The following TSPEAR variants were observed in gnomAD, a reference collection of about 807,000 sequenced individuals.
TSPEAR encodes thrombospondin-type laminin G domain and EAR repeat-containing protein.
Under a neutral mutation model 71.6 loss-of-function variants are expected in TSPEAR, and 69 were observed. The observed-to-expected ratio is 0.96, with a 90% CI of 0.79 to 1.18. The LOEUF (loss-of-function observed/expected upper bound fraction) is 1.18, where lower values mean the gene tolerates loss of function less well. Among genes scored for constraint, TSPEAR ranks in the 50% most tolerant of loss-of-function variants. TSPEAR has a pLI of 0.00. For synonymous variants in TSPEAR, 402 were observed against 387.2 expected, an observed-to-expected ratio of 1.04 and a Z score of -0.45; for missense variants, 971 against 894.9, an observed-to-expected ratio of 1.09 and a Z score of -1.09.
At chr21:44,515,849 A>G (rs1313787831) in intron 9 of TSPEAR, 1 of 152,270 alleles carries the variant, frequency 6.6e-6, no homozygotes, top group Non-Finnish European at 1.5e-5. Context: ...TTTCATGAAG[A>G]GCAGGTAGTC....
chr21:44,658,369 T>C, intron 1 of TSPEAR: 1 of 1,206,328 alleles, frequency 8.3e-7, no homozygotes, highest in Non-Finnish European at 1.2e-6. Context: ...ATGAAAAGCA[T>C]GCCCAAGGAA....
chr21:44,654,266 G>A, intron 1 of TSPEAR: 1 of 1,609,780 alleles, frequency 6.2e-7, no homozygotes, highest in Non-Finnish European at 8.5e-7. Context: ...GGTCATAGGA[G>A]GCCACCTGCT....
intron 1 of TSPEAR, among the ~76,000 whole-genome samples, chr21:44,630,128 C>T (rs587688451): frequency 4.6e-5 from 7 of 152,296 alleles, no homozygotes; most frequent in Non-Finnish European, 1.0e-4. Context: ...AGGGGCTTTC[C>T]AGTCACATTC....
intron 1 of TSPEAR, among the ~76,000 whole-genome samples, chr21:44,670,262 G>A (rs879976919): frequency 1.3e-5 from 2 of 152,086 alleles, no homozygotes; most frequent in Non-Finnish European, 2.9e-5. Flanking sequence ...TAGGTGGGGG[G>A]GTTGTTATAA....
intron 1 of TSPEAR, among the ~76,000 whole-genome samples, chr21:44,569,756 CTG>C (rs1337444113): frequency 1.3e-5 from 2 of 152,106 alleles, no homozygotes; most frequent in African/African-American, 4.8e-5. Context: ...ACAGTGGACA[CTG>C]TGTGTAGAGA....
chr21:44,539,684 CA>C (rs1569174129), intron 2 of TSPEAR: 1 of 1,593,522 alleles, frequency 6.3e-7, no homozygotes. Flanking sequence ...ATCCTCAGAG[CA>C]GGTGGGCACA....
intron 1 of TSPEAR, chr21:44,697,032 TC>T: frequency 1.0e-6 from 1 of 991,624 alleles, no homozygotes; most frequent in Non-Finnish European, 1.4e-6. Context: ...AGACGCTCAC[TC>T]ACTCCCTCCC....
intron 1 of TSPEAR, among the ~76,000 whole-genome samples, chr21:44,599,858 G>T (rs1980660002): frequency 6.6e-6 from 1 of 152,240 alleles, no homozygotes; most frequent in African/African-American, 2.4e-5. Flanking sequence ...GCTGTTGAGA[G>T]TGGCTGTGCT....
chr21:44,676,460 C>T (rs782216679), intron 1 of TSPEAR: 5 of 1,027,766 alleles, frequency 4.9e-6, no homozygotes, highest in Non-Finnish European at 7.6e-6. Flanking sequence ...CTGGCTTCCT[C>T]TTCAGCAACT....
intron 9 of TSPEAR, among the ~76,000 whole-genome samples, chr21:44,511,522 G>GTGCATA (rs1226123270): frequency 6.6e-6 from 1 of 152,126 alleles, no homozygotes; most frequent in Non-Finnish European, 1.5e-5. Flanking sequence ...CTGTGTCCAT[G>GTGCATA]TGCATATGTG....
chr21:44,687,440 T>A lies in TSPEAR; in HGVS notation c.82+23993A>T, dbSNP rs1986910322. On this transcript the variant is annotated intron_variant, in intron 1 of 11. Coordinates refer to ENST00000323084, the MANE Select transcript of TSPEAR (RefSeq NM_144991.3). This position sits in a 1 kb window ranked among gnomAD's most constrained non-coding sequence, Gnocchi z 4.4. ...AGCGTGACAGAGCGGTACAGCGGAA[T>A]CCACACCAGCACTGAGGGCGGCATT... Among the ~76,000 whole-genome samples the A allele has an allele frequency of 6.6e-6, 1 of 152,126 alleles. No homozygotes were observed.
chr21:44,646,317 CT>C, intron 1 of TSPEAR: 1 of 1,217,666 alleles, frequency 8.2e-7, no homozygotes, highest in Non-Finnish European at 1.1e-6. Context: ...GGAAGAAAAG[CT>C]TGTGGAGCCT....
chr21:44,604,772 A>G (rs1981204281), intron 1 of TSPEAR, among the ~76,000 whole-genome samples: 1 of 151,952 alleles, frequency 6.6e-6, no homozygotes, highest in Non-Finnish European at 1.5e-5. Context: ...TTCTATGTCT[A>G]TTTTCTTGAG....
chr21:44,532,454 C>A (rs2052992413), intron 3 of TSPEAR, among the ~76,000 whole-genome samples: 1 of 152,158 alleles, frequency 6.6e-6, no homozygotes, highest in African/African-American at 2.4e-5. Flanking sequence ...TGGGAGGCTT[C>A]CAGCTCTCAG....
At chr21:44,573,245 C>T (rs1339305021) in intron 1 of TSPEAR, among the ~76,000 whole-genome samples, 1 of 152,148 alleles carries the variant, frequency 6.6e-6, no homozygotes, top group Non-Finnish European at 1.5e-5. Flanking sequence ...TGATCTTGTT[C>T]AGCAGCCTAG....
intron 1 of TSPEAR, chr21:44,627,430 C>A (rs782385339): frequency 1.2e-6 from 2 of 1,613,626 alleles, no homozygotes; most frequent in Non-Finnish European, 1.7e-6. Flanking sequence ...TAGCTGCCAG[C>A]CGGCTTACTG....
At chr21:44,532,093 C>A (rs2052984325) in intron 3 of TSPEAR, among the ~76,000 whole-genome samples, 1 of 152,250 alleles carries the variant, frequency 6.6e-6, no homozygotes, top group African/African-American at 2.4e-5. Context: ...TGCTGGCCCC[C>A]AAGCCCTGGC....
At chr21:44,624,300 G>A (rs782204423) in intron 1 of TSPEAR, among the ~76,000 whole-genome samples, 18 of 152,088 alleles carry the variant, frequency 1.2e-4, no homozygotes, top group Non-Finnish European at 2.5e-4. Flanking sequence ...TTGTCCTCTG[G>A]TTTTTTGAGC....
At chr21:44,536,262 C>T (rs906752010) in intron 2 of TSPEAR, among the ~76,000 whole-genome samples, 1 of 152,256 alleles carries the variant, frequency 6.6e-6, no homozygotes, top group Non-Finnish European at 1.5e-5. Context: ...CGGCGTCCTC[C>T]GGCACAGACC....
Sources: allele counts gnomAD v4.1 joint callset (sites outside exome capture counted in the v4.1 genomes callset), GRCh38; gene constraint gnomAD v4.1.1; non-coding constraint Gnocchi (gnomAD v3.1); transcripts MANE v1.5; gene names NCBI Gene and HGNC (gene_info 2026-07-23, HGNC 2026-07-21).